PGAP4: variants seen among roughly 807,000 people sequenced by gnomAD.
The protein encoded by PGAP4 is post-GPI attachment to proteins GalNAc transferase 4.
In PGAP4, 12 loss-of-function variants were observed where a neutral mutation model predicts 28.2. The ratio of observed to expected loss-of-function variants is 0.42; its 90% CI spans 0.27 to 0.69. The LOEUF is 0.69. Ranked by LOEUF, PGAP4 falls within the 30% of genes least tolerant of loss-of-function variation. The probability of loss-of-function intolerance (pLI) is 0.22; values close to 1 mark genes in which losing one functional copy is unlikely to be tolerated. For synonymous variants in PGAP4, 205 were observed against 211.8 expected (o/e 0.97, Z 0.28); for missense variants, 425 against 513.5 (o/e 0.83, Z 1.67).
In PGAP4 at chr9:101,485,761, TTTAAG is replaced by T. The variant is rs1054638921; in HGVS notation, c.-78+1183_-78+1187del. Among the ~76,000 whole-genome samples the T allele has an allele frequency of 4.1e-4, 63 of 152,248 alleles. 1 individual carries two copies. The highest frequency in any genetic ancestry group is 1.5e-3 in the African/African-American group (62 of 41,552). On this transcript the variant is annotated intron_variant, in intron 1 of 1. Transcript: ENST00000374848. ...ATCTAAACCATCTAGAAGTTGAAGT[TTTAAG>T]TTATTTTTATTTTGCTTCTCCTTTG...
At chr9:101,494,338 A>G (rs1222661406) in intron 2 of PGAP4, among the ~76,000 whole-genome samples, 3 of 151,954 alleles carry the variant, frequency 2.0e-5, no homozygotes, top group African/African-American at 7.2e-5. Flanking sequence ...TGGAGAATCA[A>G]CTAGGGAGAA....
chr9:101,526,205 T>C (rs564594342), intron 2 of PGAP4, among the ~76,000 whole-genome samples: 7 of 152,372 alleles, frequency 4.6e-5, no homozygotes, highest in Non-Finnish European at 8.8e-5. Context: ...CTGATCTAAT[T>C]AGCCTTGGCC....
At chr9:101,529,344 A>G (rs918218684) in intron 2 of PGAP4, among the ~76,000 whole-genome samples, 1 of 152,064 alleles carries the variant, frequency 6.6e-6, no homozygotes, top group Admixed American at 6.5e-5. Flanking sequence ...TAGTAGGGAC[A>G]GGGTTTCACC....
Position 101,475,249 on chromosome 9 carries a change from A to T in PGAP4, c.*632T>A, listed in dbSNP as rs1198813755. On this transcript the variant is annotated 3_prime_UTR_variant, in exon 2 of 2. Coordinates refer to ENST00000374848, the MANE Select transcript of PGAP4 (RefSeq NM_032342.3). Reference sequence around the variant, plus strand: ...TTGTCGTGCCTTAAAGTTCTCACTAACAATATCAATTATCAGTGCACTACA... The same window carrying T: ...TTGTCGTGCCTTAAAGTTCTCACTATCAATATCAATTATCAGTGCACTACA... The T allele has an allele frequency of 3.9e-5, 6 of 153,232 alleles. No individual in the cohort carries two copies. Among genetic ancestry groups the T allele is most frequent in the Non-Finnish European group, 8.7e-5 (6 of 68,842 alleles). 9.5% of individuals were successfully genotyped at this position (153,232 alleles called of 1,614,324 possible).
At chr9:101,522,936 T>G (rs923105404) in intron 2 of PGAP4, among the ~76,000 whole-genome samples, 2 of 152,214 alleles carry the variant, frequency 1.3e-5, no homozygotes, top group South Asian at 4.1e-4. Flanking sequence ...GCAAATTCTC[T>G]CAGCATTTGT....
At chr9:101,488,546 A>G (rs76259653), upstream of PGAP4, among the ~76,000 whole-genome samples, 38 of 152,286 alleles carry the variant, frequency 2.5e-4, no homozygotes, top group East Asian at 6.6e-3. Context: ...GAGATAATGT[A>G]TATAAAGTGC....
chr9:101,517,999 C>T (rs1308580358), intron 2 of PGAP4, among the ~76,000 whole-genome samples: 1 of 152,142 alleles, frequency 6.6e-6, no homozygotes, highest in Non-Finnish European at 1.5e-5. Flanking sequence ...GCAGTGAGCA[C>T]AGCACCCAAT....
At chr9:101,532,162 T>C (rs1002779993) in intron 1 of PGAP4, among the ~76,000 whole-genome samples, 34 of 151,890 alleles carry the variant, frequency 2.2e-4, no homozygotes, top group Middle Eastern at 3.4e-3. Context: ...CCCACCCACT[T>C]GGGAGGCTGA....
At chr9:101,533,527 G>C (rs144047835), upstream of PGAP4, 2 of 152,278 alleles carry the variant, frequency 1.3e-5, no homozygotes, top group African/African-American at 4.8e-5. Context: ...CCGTCTGAAC[G>C]AGTGATGGCA....
chr9:101,532,522 G>A (rs1398036855), intron 1 of PGAP4, among the ~76,000 whole-genome samples: 3 of 152,174 alleles, frequency 2.0e-5, no homozygotes, highest in African/African-American at 7.2e-5. Context: ...AATGCAGTCT[G>A]TGAACCTCTA....
rs759438430 is a variant in PGAP4 at position 101,476,271 on chromosome 9, G to C, written c.822C>G (p.Pro274=). 25 of 1,614,034 alleles carry C rather than the reference G, an allele frequency of 1.5e-5. No homozygotes were observed. Among genetic ancestry groups the C allele is most frequent in the Non-Finnish European group, 1.8e-5 (21 of 1,180,030 alleles). Residue 274 remains proline, a synonymous_variant, in exon 2 of 2, where the codon CCC becomes CCG. Transcript: ENST00000374848. The surrounding 1 kb of genome is among the most constrained non-coding windows in gnomAD (Gnocchi z 7.0). ...ACCTCATGTATATCCAGGTTAGTAA[G>C]GGCCCCAGCAACATGCCTACACCAA... ...EWVGVGMLLG[P]LLTWIYMRFA... is the part of the protein sequence containing the mutation.
At chr9:101,510,233 G>A (rs1286099146) in intron 2 of PGAP4, among the ~76,000 whole-genome samples, 2 of 152,094 alleles carry the variant, frequency 1.3e-5, no homozygotes, top group African/African-American at 2.4e-5. Flanking sequence ...CATGATATAT[G>A]TCCTTAGCAA....
chr9:101,511,136 G>T (rs998020952), intron 2 of PGAP4, among the ~76,000 whole-genome samples: 1 of 152,236 alleles, frequency 6.6e-6, no homozygotes, highest in Non-Finnish European at 1.5e-5. Context: ...TTCACAATAG[G>T]GTTCTTATTC....
At chr9:101,493,908 G>A (rs1182000848) in intron 2 of PGAP4, among the ~76,000 whole-genome samples, 1 of 151,982 alleles carries the variant, frequency 6.6e-6, no homozygotes, top group Non-Finnish European at 1.5e-5. Context: ...ATCTAGTTCG[G>A]TCTATAGGTA....
chr9:101,515,795 T>C (rs1158897090), intron 2 of PGAP4, among the ~76,000 whole-genome samples: 1 of 152,184 alleles, frequency 6.6e-6, no homozygotes, highest in African/African-American at 2.4e-5. Flanking sequence ...ATATGATATT[T>C]TCATATCTTT....
chr9:101,491,221 G>C (rs1826685461), upstream of PGAP4, among the ~76,000 whole-genome samples: 1 of 152,156 alleles, frequency 6.6e-6, no homozygotes, highest in Non-Finnish European at 1.5e-5. Flanking sequence ...ATTAGCAGAA[G>C]TGCTGTGGCC....
At position 101,477,014 on chromosome 9, in the gene PGAP4, G is replaced by A. The variant is rs571545689; in HGVS notation, c.79C>T (p.Leu27Phe). The A allele has an allele frequency of 1.2e-6, 2 of 1,613,716 alleles. No individual in the cohort carries two copies. Among genetic ancestry groups the A allele is most frequent in the South Asian group, 1.1e-5 (1 of 91,034 alleles). The stretch of plus-strand genomic sequence containing the variant: ...AACGTCACCACTGTTAGGATGAAGA[G>A]CTGGACAGCAGTGCTGCCCCAGGAG... ...RLSWGSTAVQ[L>F]FILTVVTFGL... is the part of the protein sequence containing the mutation. Residue 27 changes from leucine (L) to phenylalanine (F), a missense_variant, in exon 2 of 2, where the codon CTC (leucine) becomes TTC (phenylalanine). Transcript: ENST00000374848.
chr9:101,525,695 G>A (rs1222213320), intron 2 of PGAP4, among the ~76,000 whole-genome samples: 9 of 104,790 alleles, frequency 8.6e-5, no homozygotes, highest in Admixed American at 2.5e-4. Context: ...GCAACAGAGC[G>A]TCTCAAAAAA....
intron 2 of PGAP4, among the ~76,000 whole-genome samples, chr9:101,503,836 A>C (rs1052845803): frequency 6.6e-6 from 1 of 151,994 alleles, no homozygotes; most frequent in Non-Finnish European, 1.5e-5. Flanking sequence ...AGAGTTTGCT[A>C]TGTTTCCCTA....
Sources: allele counts gnomAD v4.1 joint callset (sites outside exome capture counted in the v4.1 genomes callset), GRCh38; gene constraint gnomAD v4.1.1; non-coding constraint Gnocchi (gnomAD v3.1); transcripts MANE v1.5; gene names NCBI Gene and HGNC (gene_info 2026-07-23, HGNC 2026-07-21).